The following TNRC18 variants were observed in gnomAD, a reference collection of about 807,000 sequenced individuals.
TNRC18 encodes trinucleotide repeat-containing gene 18 protein.
In TNRC18, 69 loss-of-function variants were observed where a neutral mutation model predicts 226.7. The ratio of observed to expected loss-of-function variants is 0.30; its 90% CI spans 0.25 to 0.37. The LOEUF (loss-of-function observed/expected upper bound fraction) is 0.37. Among genes scored for constraint, TNRC18 ranks in the 10% least tolerant of loss-of-function variants. The pLI, the probability that TNRC18 is intolerant of heterozygous loss-of-function variation, is 1.00. For missense variants in TNRC18, 4,754 were observed against 4,256.6 expected, an observed-to-expected ratio of 1.12 and a Z score of -3.25; for synonymous variants, 2,449 against 1,927.6, an observed-to-expected ratio of 1.27 and a Z score of -7.09.
intron 18 of TNRC18, among the ~76,000 whole-genome samples, chr7:5,338,868 C>T (rs1011814430): frequency 9.1e-5 from 13 of 142,216 alleles, no homozygotes; most frequent in South Asian, 2.2e-4. Context: ...TGTGGTGAGC[C>T]GAGATCATGC....
Position 5,315,910 on chromosome 7 carries a change from G to A in TNRC18, c.6862+46C>T, listed in dbSNP as rs1400030270. On this transcript the variant is annotated intron_variant, in intron 25 of 29. Transcript: ENST00000430969. ...GGGCTTGGAGGGCGAGAGCCTGGGT[G>A]GGCGGCCCCTGGCAGGAGACCGGGT... 2.1e-6 allele frequency: 3 copies of A among 1,424,676 alleles called. No individual in the cohort carries two copies. In the African/African-American group the frequency reaches 4.4e-5, roughly 21 times the overall value. 88.3% of individuals were successfully genotyped at this position (1,424,676 alleles called of 1,614,324 possible). A position where few individuals can be genotyped will look rare whatever the true frequency, so the allele number is the denominator to read the frequency against.
At chr7:5,346,764 T>C (rs917402987) in intron 17 of TNRC18, among the ~76,000 whole-genome samples, 3 of 152,158 alleles carry the variant, frequency 2.0e-5, no homozygotes, top group African/African-American at 7.2e-5. Context: ...CAGCAAGGGG[T>C]GACCCTCCCA....
At chr7:5,365,034 G>C (rs1179938193) in intron 11 of TNRC18, among the ~76,000 whole-genome samples, 1 of 151,614 alleles carries the variant, frequency 6.6e-6, no homozygotes, top group African/African-American at 2.4e-5. Flanking sequence ...TGGGGGGGCG[G>C]GGGCGGAAGG....
intron 19 of TNRC18, among the ~76,000 whole-genome samples, chr7:5,330,935 A>G (rs1009125421): frequency 2.6e-5 from 4 of 152,164 alleles, no homozygotes; most frequent in Non-Finnish European, 5.9e-5. Context: ...TTGGCCTCCC[A>G]AAGTGCTGGG....
chr7:5,308,902 G>C lies in TNRC18; in HGVS notation c.8673C>G (p.Val2891=). 1 of 1,600,882 alleles carries C rather than the reference G, an allele frequency of 6.2e-7. No homozygotes were observed. The highest frequency in any genetic ancestry group is 8.5e-7 in the Non-Finnish European group (1 of 1,174,756). Residue 2891 remains valine, a synonymous_variant, in exon 29 of 30, where the codon GTC becomes GTG. Coordinates refer to ENST00000430969, the MANE Select transcript of TNRC18 (RefSeq NM_001080495.3). The part of the protein sequence containing the change: ...SSRSLPAALR[V]SSQRKDFMER... ...CCATGAAGTCCTTCCTCTGGCTGGAGACCCGCAGGGCCGCCGGGAGGCTGC... is the reference window on the plus strand; with the variant it reads ...CCATGAAGTCCTTCCTCTGGCTGGACACCCGCAGGGCCGCCGGGAGGCTGC...
intron 2 of TNRC18, among the ~76,000 whole-genome samples, chr7:5,416,399 A>T (rs1316968521): frequency 6.6e-6 from 1 of 152,176 alleles, no homozygotes; most frequent in Non-Finnish European, 1.5e-5. Flanking sequence ...TGGGCGACAG[A>T]GCGAGACTCC....
intron 17 of TNRC18, among the ~76,000 whole-genome samples, chr7:5,348,065 G>C (rs750211064): frequency 6.6e-6 from 1 of 152,214 alleles, no homozygotes; most frequent in Non-Finnish European, 1.5e-5. Flanking sequence ...GCCTGCCTGA[G>C]AGTCTGCAGT....
chr7:5,327,554 G>C (rs907186042), intron 19 of TNRC18, among the ~76,000 whole-genome samples: 9 of 152,024 alleles, frequency 5.9e-5, no homozygotes, highest in African/African-American at 1.2e-4. Flanking sequence ...GATAGCTGCA[G>C]CTCCTGGTAC....
intron 14 of TNRC18, 53 bp from the exon 15 acceptor site, chr7:5,359,622 G>T: frequency 6.2e-7 from 1 of 1,606,352 alleles, no homozygotes. Context: ...AGGCTCGCAG[G>T]CTGAGGTCCA....
In TNRC18 at chr7:5,308,920, G is replaced by C; in HGVS notation, c.8655C>G (p.Leu2885=). ...QHWDQKSSRS[L]PAALRVSSQR... is the part of the protein sequence containing the mutation. Reference sequence around the variant, plus strand: ...GGCTGGAGACCCGCAGGGCCGCCGGGAGGCTGCGGCTGGACTTCTGGTCCC... The same window carrying C: ...GGCTGGAGACCCGCAGGGCCGCCGGCAGGCTGCGGCTGGACTTCTGGTCCC... The change falls in exon 29 of 30, where the codon CTC becomes CTG. Residue 2885 remains leucine, a synonymous_variant. Coordinates refer to ENST00000430969, the MANE Select transcript of TNRC18 (RefSeq NM_001080495.3). The C allele has an allele frequency of 6.2e-7, 1 of 1,606,664 alleles. No individual in the cohort carries two copies. Among genetic ancestry groups the C allele is most frequent in the Non-Finnish European group, 8.5e-7 (1 of 1,178,132 alleles).
chr7:5,383,653 C>T (rs914881651), intron 5 of TNRC18, among the ~76,000 whole-genome samples: 1 of 152,202 alleles, frequency 6.6e-6, no homozygotes, highest in African/African-American at 2.4e-5. Context: ...GCTGGGGGAA[C>T]TGCCCAGACA....
At chr7:5,383,789 C>T (rs1779563195) in intron 5 of TNRC18, among the ~76,000 whole-genome samples, 1 of 151,792 alleles carries the variant, frequency 6.6e-6, no homozygotes. Flanking sequence ...AGAATCCAGC[C>T]CCCTACTTTT....
At position 5,306,991 on chromosome 7, in the gene TNRC18, A is replaced by G. The variant is rs1786582667; in HGVS notation, c.*1115T>C. 1 of 150,246 alleles carries G rather than the reference A, an allele frequency of 6.7e-6. No homozygotes were observed. The highest frequency in any genetic ancestry group is 2.4e-5 in the African/African-American group (1 of 40,934). 9.3% of individuals were successfully genotyped at this position (150,246 alleles called of 1,614,324 possible). Reference sequence around the variant, plus strand: ...CCCTTGAAGGCTTGGGGCCTGGTTAAGTGCTTTCTGGGGCCCAAGCAGGGA... The same window carrying G: ...CCCTTGAAGGCTTGGGGCCTGGTTAGGTGCTTTCTGGGGCCCAAGCAGGGA... On this transcript the variant is annotated 3_prime_UTR_variant, in exon 30 of 30. Transcript: ENST00000430969.
At chr7:5,335,528 C>G (rs1790006708) in intron 18 of TNRC18, among the ~76,000 whole-genome samples, 1 of 150,846 alleles carries the variant, frequency 6.6e-6, no homozygotes, top group Non-Finnish European at 1.5e-5. Flanking sequence ...ATTGCCTGAA[C>G]CAGGAGGCAG....
At chr7:5,407,695 C>A (rs921682087) in intron 2 of TNRC18, among the ~76,000 whole-genome samples, 19 of 152,226 alleles carry the variant, frequency 1.2e-4, no homozygotes, top group Non-Finnish European at 2.8e-4. Context: ...AGGTCAAGGC[C>A]TCAGGCCAGC....
chr7:5,324,224 C>T lies in TNRC18; in HGVS notation c.6432G>A (p.Pro2144=), dbSNP rs373305276. ...ATCACGGCCACTCACCCGGGGTCAG[C>T]GGCCGCTCCACAGCCCCGCCACGCG... ...HLPRGGAVER[P]LTPAPRSCII... is the part of the protein sequence containing the mutation. The change falls in exon 21 of 30, where the codon CCG becomes CCA. Residue 2144 remains proline (P), a synonymous_variant. Transcript: ENST00000430969. The surrounding 1 kb of genome is among the most constrained non-coding windows in gnomAD (Gnocchi z 4.8). The T allele has an allele frequency of 6.7e-5, 108 of 1,604,108 alleles. No homozygotes were observed. The highest frequency in any genetic ancestry group is 8.9e-5 in the Non-Finnish European group (105 of 1,176,856).
rs1436611552 is a variant in TNRC18 at position 5,307,133 on chromosome 7, G to A, written c.*973C>T. 7 of 151,694 alleles carry A rather than the reference G, an allele frequency of 4.6e-5. No individual in the cohort carries two copies. Among genetic ancestry groups the A allele is most frequent in the African/African-American group, 1.7e-4 (7 of 41,342 alleles). 9.4% of individuals were successfully genotyped at this position (151,694 alleles called of 1,614,324 possible). On this transcript the variant is annotated 3_prime_UTR_variant, in exon 30 of 30. Coordinates refer to ENST00000430969, the MANE Select transcript of TNRC18 (RefSeq NM_001080495.3). Reference sequence around the variant, plus strand: ...GTGGGCGGGGGGTGTGCTGGGGACTGGGAGGCCGGTGAAGCCGGTGCTAGA... The same window carrying A: ...GTGGGCGGGGGGTGTGCTGGGGACTAGGAGGCCGGTGAAGCCGGTGCTAGA...
chr7:5,322,896 G>A (rs113203656), intron 21 of TNRC18, among the ~76,000 whole-genome samples: 1 of 152,228 alleles, frequency 6.6e-6, no homozygotes, highest in African/African-American at 2.4e-5. Flanking sequence ...CGTTGGGCTT[G>A]GCCATGTGGC....
intron 10 of TNRC18, 106 bp from the exon 11 acceptor site, chr7:5,371,470 C>T (rs921416609): frequency 2.5e-5 from 33 of 1,344,978 alleles, no homozygotes; most frequent in Non-Finnish European, 3.1e-5. Context: ...CGCAGCCGCC[C>T]CCTGCTCACC....
Sources: allele counts gnomAD v4.1 joint callset (sites outside exome capture counted in the v4.1 genomes callset), GRCh38; gene constraint gnomAD v4.1.1; non-coding constraint Gnocchi (gnomAD v3.1); transcripts MANE v1.5; gene names NCBI Gene and HGNC (gene_info 2026-07-23, HGNC 2026-07-21).